The following PLXND1 variants were observed in gnomAD, a reference collection of about 807,000 sequenced individuals.
PLXND1 encodes the protein plexin-D1.
Under a neutral mutation model 197.7 loss-of-function variants are expected in PLXND1, and 54 were observed. The observed-to-expected ratio is 0.27, with a 90% CI of 0.22 to 0.34. The LOEUF is 0.34. Among genes scored for constraint, PLXND1 ranks in the 10% least tolerant of loss-of-function variants. PLXND1 has a pLI of 1.00. For missense variants in PLXND1, 2,127 were observed against 2,699.2 expected (o/e 0.79, Z 4.70); for synonymous variants, 1,180 against 1,161.2 (o/e 1.02, Z -0.33).
At chr3:129,576,995 C>T (rs1449555145) in intron 9 of PLXND1, among the ~76,000 whole-genome samples, 1 of 152,168 alleles carries the variant, frequency 6.6e-6, no homozygotes, top group Admixed American at 6.5e-5. Context: ...CTGTGGCTGG[C>T]AGATGTGACA....
In PLXND1 at chr3:129,555,783, T is replaced by C; in HGVS notation, c.*529A>G. On this transcript the variant is annotated 3_prime_UTR_variant, in exon 36 of 36. Coordinates refer to ENST00000324093, the MANE Select transcript of PLXND1 (RefSeq NM_015103.3). ...CCAAGCAACAAAAATCTGACACTAC[T>C]TGAAACTGTCTGTGGCCAGGATCCT... The C allele has an allele frequency of 2.2e-6, 1 of 458,440 alleles. No homozygotes were observed. Among genetic ancestry groups the C allele is most frequent in the Non-Finnish European group, 3.8e-6 (1 of 261,850 alleles). The allele number at this position is 458,440 out of a possible 1,614,324, so 28.4% of individuals were successfully genotyped here. A position where few individuals can be genotyped will look rare whatever the true frequency, so the allele number is the denominator to read the frequency against.
chr3:129,582,333 G>A (rs2085398626), intron 8 of PLXND1, among the ~76,000 whole-genome samples: 1 of 152,268 alleles, frequency 6.6e-6, no homozygotes, highest in African/African-American at 2.4e-5. Context: ...TGGGGCTGCA[G>A]AGGCTCTGGG....
chr3:129,573,666 T>C lies in PLXND1; in HGVS notation c.2765A>G (p.Asp922Gly). 1 of 1,613,594 alleles carries C rather than the reference T, an allele frequency of 6.2e-7. No individual in the cohort carries two copies. The highest frequency in any genetic ancestry group is 1.3e-5 in the African/African-American group (1 of 75,026). ...RGRNLGRRLS[D>G]VAHGVWIGGV... ...ACCAATCCACACGCCGTGGGCCACG[T>C]CACTGAGCCGCCGGCCCAGGTTCCT... is the stretch of plus-strand genomic sequence containing the variant. The change falls in exon 13 of 36, where the codon GAC becomes GGC. Residue 922 changes from aspartate to glycine, a missense_variant. Coordinates refer to ENST00000324093, the MANE Select transcript of PLXND1 (RefSeq NM_015103.3).
At chr3:129,575,906 T>G in intron 9 of PLXND1, 51 bp from the exon 10 acceptor site, 4 of 1,062,058 alleles carry the variant, frequency 3.8e-6, no homozygotes, top group Non-Finnish European at 5.8e-6. Context: ...CAAGCCAGCA[T>G]GCATTGCCCT....
chr3:129,564,026 G>C (rs2085101023), intron 25 of PLXND1, among the ~76,000 whole-genome samples: 1 of 152,226 alleles, frequency 6.6e-6, no homozygotes, highest in Non-Finnish European at 1.5e-5. Flanking sequence ...CAGGCTCATA[G>C]GGGAAGGCCT....
chr3:129,589,060 T>G (rs1194041270), intron 2 of PLXND1, among the ~76,000 whole-genome samples: 1 of 152,098 alleles, frequency 6.6e-6, no homozygotes, highest in East Asian at 1.9e-4. Flanking sequence ...GCCCAGACAT[T>G]TGAACTCAGA....
intron 9 of PLXND1, among the ~76,000 whole-genome samples, chr3:129,576,513 A>G (rs943414606): frequency 6.6e-5 from 10 of 152,188 alleles, no homozygotes; most frequent in African/African-American, 2.4e-4. Context: ...CCTGTGTGCC[A>G]GGCATCACCC....
At chr3:129,588,507 C>T (rs774280368) in intron 2 of PLXND1, among the ~76,000 whole-genome samples, 4 of 152,236 alleles carry the variant, frequency 2.6e-5, no homozygotes, top group Non-Finnish European at 4.4e-5. Context: ...GCCCCATTGA[C>T]GAGCCCCACA....
At chr3:129,565,661 G>T in intron 24 of PLXND1, 123 bp from the exon 25 acceptor site, 1 of 938,328 alleles carries the variant, frequency 1.1e-6, no homozygotes, top group Non-Finnish European at 1.6e-6. Flanking sequence ...GGTGGGTCCT[G>T]CGAGGGGTGA....
chr3:129,583,619 T>G lies in PLXND1; in HGVS notation c.2189A>C (p.Gln730Pro). 1 of 1,612,796 alleles carries G rather than the reference T, an allele frequency of 6.2e-7. No homozygotes were observed. The change falls in exon 8 of 36, where the codon CAG (glutamine) becomes CCG (proline). Residue 730 changes from glutamine (Q) to proline (P), a missense_variant. By Grantham distance (76) the Gln-to-Pro change is moderately conservative. Coordinates refer to ENST00000324093, the MANE Select transcript of PLXND1 (RefSeq NM_015103.3). Reference protein sequence around the residue: ...AQWPCFWCSQQHSCVSNQSRC... With the variant: ...AQWPCFWCSQPHSCVSNQSRC... Reference sequence around the variant, plus strand: ...AGACTGGTTGGAAACACAGGAGTGCTGCTGGCTGCACCAGAAACAGGGCCA... The same window carrying G: ...AGACTGGTTGGAAACACAGGAGTGCGGCTGGCTGCACCAGAAACAGGGCCA...
At position 129,574,424 on chromosome 3, in the gene PLXND1, C is replaced by T. The variant is rs2085282489; in HGVS notation, c.2597G>A (p.Gly866Asp). The T allele has an allele frequency of 1.9e-6, 3 of 1,613,074 alleles. No individual in the cohort carries two copies. Among genetic ancestry groups the T allele is most frequent in the Non-Finnish European group, 1.7e-6 (2 of 1,179,910 alleles). Residue 866 changes from glycine to aspartate, a missense_variant, in exon 12 of 36, where the codon GGT becomes GAT. By Grantham distance (94) the Gly-to-Asp change is moderately conservative (BLOSUM62 -1). This residue lies in a region of PLXND1 where 1,095 missense variants were observed against 1,259.8 expected (regional missense o/e 0.87). Transcript: ENST00000324093. ...GCCATCACTCCACATGCACAGGTGA[C>T]CCAGGTCTTCGCGGCCCAGGCACTG... is the stretch of plus-strand genomic sequence containing the variant. ...CSQCLGREDL[G>D]HLCMWSDGCR...
At chr3:129,593,916 A>G (rs1026218713) in intron 1 of PLXND1, among the ~76,000 whole-genome samples, 1 of 152,184 alleles carries the variant, frequency 6.6e-6, no homozygotes, top group Non-Finnish European at 1.5e-5. Flanking sequence ...TCCTGGGGCC[A>G]AAGCTCAGCT....
intron 35 of PLXND1, 79 bp from the exon 36 acceptor site, chr3:129,556,507 G>A (rs1269205471): frequency 1.1e-5 from 15 of 1,350,704 alleles, no homozygotes; most frequent in African/African-American, 4.3e-5. Flanking sequence ...ACCCCTGAAC[G>A]TCTACCACGA....
chr3:129,557,339 G>A lies in PLXND1; in HGVS notation c.5446-116C>T. On this transcript the variant is annotated intron_variant, in intron 33 of 35. Coordinates refer to ENST00000324093, the MANE Select transcript of PLXND1 (RefSeq NM_015103.3). The surrounding 1 kb of genome is among the most constrained non-coding windows in gnomAD (Gnocchi z 4.8). ...ATAAGTGACCTTAGCAGGCCCCCGA[G>A]GCCCAAAGAGTCTCACCCGGTCACT... The A allele has an allele frequency of 8.6e-7, 1 of 1,157,322 alleles. No individual in the cohort carries two copies. The highest frequency in any genetic ancestry group is 2.5e-5 in the East Asian group (1 of 40,524). The allele number at this position is 1,157,322 out of a possible 1,614,324, so 71.7% of individuals were successfully genotyped here.
Position 129,557,331 on chromosome 3 carries a change from G to C in PLXND1, c.5446-108C>G. On this transcript the variant is annotated intron_variant, in intron 33 of 35. Transcript: ENST00000324093. The surrounding 1 kb of genome is among the most constrained non-coding windows in gnomAD (Gnocchi z 4.8). Reference sequence around the variant, plus strand: ...CCTGCCACATAAGTGACCTTAGCAGGCCCCCGAGGCCCAAAGAGTCTCACC... The same window carrying C: ...CCTGCCACATAAGTGACCTTAGCAGCCCCCCGAGGCCCAAAGAGTCTCACC... 8.1e-7 allele frequency: 1 copy of C among 1,234,832 alleles called. No individual in the cohort carries two copies. The highest frequency in any genetic ancestry group is 1.1e-6 in the Non-Finnish European group (1 of 870,748). The allele number at this position is 1,234,832 out of a possible 1,614,324, so 76.5% of individuals were successfully genotyped here.
chr3:129,574,519 C>G (rs779089704), intron 11 of PLXND1, 29 bp from the exon 12 acceptor site: 2 of 1,603,698 alleles, frequency 1.2e-6, no homozygotes, highest in Admixed American at 1.7e-5. Flanking sequence ...GCTCGGTCAG[C>G]CCCGCTCTGC....
chr3:129,605,498 G>A lies in PLXND1; in HGVS notation c.1142C>T (p.Ala381Val), dbSNP rs1169970036. Residue 381 changes from alanine to valine, a missense_variant, in exon 1 of 36, where the codon GCC becomes GTC. By Grantham distance (64) the Ala-to-Val change is moderately conservative. Around this residue, in one of 6 missense-constraint regions of PLXND1, gnomAD observed 1,095 missense variants for 1,259.8 expected, o/e 0.87. Transcript: ENST00000324093. ...GCAGAGTGCGGCCGGAGCAGCGCGG[G>A]CCGCGGGGGACCCCTGGGGCCGCTC... is the stretch of plus-strand genomic sequence containing the variant. ...VFERPQGSPAARAAPAALCAF... is the reference protein window; with the variant it reads ...VFERPQGSPAVRAAPAALCAF... 8.0e-6 allele frequency: 12 copies of A among 1,494,310 alleles called. No homozygotes were observed. Among genetic ancestry groups the A allele is most frequent in the Non-Finnish European group, 1.1e-5 (12 of 1,130,896 alleles). 92.6% of individuals were successfully genotyped at this position (1,494,310 alleles called of 1,614,324 possible).
intron 23 of PLXND1, 98 bp downstream of exon 23, chr3:129,566,429 G>T: frequency 1.3e-6 from 1 of 782,482 alleles, no homozygotes; most frequent in South Asian, 1.4e-5. Flanking sequence ...AACTCCGCAT[G>T]ACAGGGATCA....
At chr3:129,584,849 G>A (rs1434384566) in intron 5 of PLXND1, among the ~76,000 whole-genome samples, 2 of 152,170 alleles carry the variant, frequency 1.3e-5, no homozygotes, top group Non-Finnish European at 2.9e-5. Context: ...CGAAACAGCT[G>A]ATCTTGTTTC....
Sources: allele counts gnomAD v4.1 joint callset (sites outside exome capture counted in the v4.1 genomes callset), GRCh38; gene constraint gnomAD v4.1.1; regional missense constraint gnomAD v4.1.1; non-coding constraint Gnocchi (gnomAD v3.1); transcripts MANE v1.5; gene names NCBI Gene and HGNC (gene_info 2026-07-23, HGNC 2026-07-21).